The following SATB1 variants were observed in gnomAD, a reference collection of about 807,000 sequenced individuals.
SATB1 encodes DNA-binding protein SATB1.
A neutral mutation model predicts 86.9 loss-of-function variants in SATB1; 11 were observed. The ratio of observed to expected loss-of-function variants is 0.13; its 90% CI spans 0.08 to 0.21. The LOEUF (loss-of-function observed/expected upper bound fraction) is 0.21. SATB1 is among the 10% of genes least tolerant of loss of function. The probability of loss-of-function intolerance (pLI) is 1.00; values close to 1 mark genes in which losing one functional copy is unlikely to be tolerated. For missense variants in SATB1, 551 were observed against 937.6 expected, an observed-to-expected ratio of 0.59 and a Z score of 5.39; for synonymous variants, 357 against 357.2, an observed-to-expected ratio of 1.00 and a Z score of 0.01.
intron 2 of SATB1, among the ~76,000 whole-genome samples, chr3:18,417,925 G>A (rs6780734): frequency 0.012 from 1,774 of 152,198 alleles, 41 homozygotes; most frequent in African/African-American, 0.04. Context: ...CAGTAACTCA[G>A]TAGCTAGATG....
At position 18,347,783 on chromosome 3, in the gene SATB1, C is replaced by A. The variant is rs1694132995; in HGVS notation, c.*1387G>T. The A allele has an allele frequency of 6.6e-6, 1 of 152,248 alleles. No individual in the cohort carries two copies. Among genetic ancestry groups the A allele is most frequent in the Non-Finnish European group, 1.5e-5 (1 of 68,002 alleles). The allele number at this position is 152,248 out of a possible 1,614,324, so 9.4% of individuals were successfully genotyped here. Reference sequence around the variant, plus strand: ...AATTTCATACCTATTTAAAAATGAGCATGTGTTTGTGATTTAAATTTACAG... The same window carrying A: ...AATTTCATACCTATTTAAAAATGAGAATGTGTTTGTGATTTAAATTTACAG... On this transcript the variant is annotated 3_prime_UTR_variant, in exon 11 of 11. Coordinates refer to ENST00000338745, the MANE Select transcript of SATB1 (RefSeq NM_002971.6).
intron 5 of SATB1, among the ~76,000 whole-genome samples, chr3:18,406,014 G>A (rs1044918669): frequency 2.0e-5 from 3 of 151,936 alleles, no homozygotes; most frequent in Non-Finnish European, 4.4e-5. Context: ...AAGTTATGGC[G>A]AAATGATAAA....
At position 18,420,901 on chromosome 3, in the gene SATB1, G is replaced by C. The variant is rs1393682303; in HGVS notation, c.67C>G (p.Pro23Ala). The change falls in exon 2 of 11, where the codon CCG (proline) becomes GCG (alanine). Residue 23 changes from proline (P) to alanine (A), a missense_variant. By Grantham distance (27) the Pro-to-Ala change is conservative. Coordinates refer to ENST00000338745, the MANE Select transcript of SATB1 (RefSeq NM_002971.6). ...GCAATCTTGGCTGGTGGACCCTTCG[G>C]ATCACTCACATTGTTAGACATTTCT... ...HSEMSNNVSD[P>A]KGPPAKIARL... The C allele has an allele frequency of 9.9e-6, 16 of 1,614,034 alleles. No individual in the cohort carries two copies. In the South Asian group the frequency reaches 1.5e-4, roughly 16 times the overall value.
At chr3:18,380,189 A>G (rs1341747399) in intron 8 of SATB1, among the ~76,000 whole-genome samples, 1 of 152,202 alleles carries the variant, frequency 6.6e-6, no homozygotes, top group Non-Finnish European at 1.5e-5. Context: ...AAGCCATTTC[A>G]ATCATTTTGA....
intron 2 of SATB1, among the ~76,000 whole-genome samples, chr3:18,418,170 A>G (rs756909518): frequency 1.4e-4 from 21 of 152,274 alleles, no homozygotes; most frequent in Middle Eastern, 6.8e-3. Flanking sequence ...AGGATCCACA[A>G]TTAGTCCTAC....
intron 9 of SATB1, among the ~76,000 whole-genome samples, chr3:18,362,853 C>T (rs1334462362): frequency 2.3e-5 from 1 of 43,542 alleles, no homozygotes. Context: ...TTCATATATG[C>T]CATGTGCAAA....
intron 9 of SATB1, among the ~76,000 whole-genome samples, chr3:18,363,149 T>G (rs1000127274): frequency 3.9e-5 from 6 of 152,002 alleles, no homozygotes; most frequent in African/African-American, 1.5e-4. Context: ...TTAGGAGAGA[T>G]AACAAAAAAT....
chr3:18,394,675 A>G lies in SATB1; in HGVS notation c.993T>C (p.Tyr331=). The G allele has an allele frequency of 6.2e-7, 1 of 1,614,182 alleles. No individual in the cohort carries two copies. The highest frequency in any genetic ancestry group is 8.5e-7 in the Non-Finnish European group (1 of 1,180,046). ...LVMAQLLNQQ[Y]AVNRLLAQQS... is the part of the protein sequence containing the mutation. ...GCTGGGCTAAAAGTCTATTCACTGCATACTGCTGGTTCAGCAGCTGAGCCA... is the reference window on the plus strand; with the variant it reads ...GCTGGGCTAAAAGTCTATTCACTGCGTACTGCTGGTTCAGCAGCTGAGCCA... Residue 331 remains tyrosine (Y), a synonymous_variant, in exon 7 of 11, where the codon TAT becomes TAC. Transcript: ENST00000338745. The surrounding 1 kb of genome is among the most constrained non-coding windows in gnomAD (Gnocchi z 5.9).
At chr3:18,422,200 G>A (rs1182328703) in intron 1 of SATB1, among the ~76,000 whole-genome samples, 1 of 152,142 alleles carries the variant, frequency 6.6e-6, no homozygotes, top group Non-Finnish European at 1.5e-5. Context: ...TAGCTGTCTA[G>A]TAATTTGATA....
intron 5 of SATB1, among the ~76,000 whole-genome samples, chr3:18,403,192 A>G (rs898669416): frequency 2.0e-5 from 3 of 152,174 alleles, no homozygotes; most frequent in African/African-American, 7.2e-5. Flanking sequence ...ACAGATGTCA[A>G]AAACTGTTTA....
Position 18,420,972 on chromosome 3 carries a change from A to G in SATB1, c.-5T>C. 6.2e-7 allele frequency: 1 copy of G among 1,613,868 alleles called. No individual in the cohort carries two copies. Among genetic ancestry groups the G allele is most frequent in the South Asian group, 1.1e-5 (1 of 91,076 alleles). On this transcript the variant is annotated 5_prime_UTR_variant, in exon 2 of 11. Transcript: ENST00000338745. Reference sequence around the variant, plus strand: ...TGCCTCGTTCAAATGATCCATACTCAGTCACTGTCTAAAGATCACCTGCCA... The same window carrying G: ...TGCCTCGTTCAAATGATCCATACTCGGTCACTGTCTAAAGATCACCTGCCA...
upstream of SATB1, chr3:18,438,918 G>T (rs964225178): frequency 1.4e-4 from 22 of 152,232 alleles, no homozygotes; most frequent in African/African-American, 5.3e-4. Context: ...TGCTTCTTCC[G>T]CAAGCATTTC....
In SATB1 at chr3:18,386,061, T is replaced by C. The variant is rs953113216; in HGVS notation, c.1419+338A>G. On this transcript the variant is annotated intron_variant, in intron 8 of 10. Coordinates refer to ENST00000338745, the MANE Select transcript of SATB1 (RefSeq NM_002971.6). The surrounding 1 kb of genome is among the most constrained non-coding windows in gnomAD (Gnocchi z 4.5). Reference sequence around the variant, plus strand: ...ATTCAAATGGCGATTCTGAAACCAGTTGGGAAAAAACTGACTTTATTCTTT... The same window carrying C: ...ATTCAAATGGCGATTCTGAAACCAGCTGGGAAAAAACTGACTTTATTCTTT... Among the ~76,000 whole-genome samples the C allele has an allele frequency of 2.0e-5, 3 of 152,162 alleles. No homozygotes were observed. The highest frequency in any genetic ancestry group is 2.9e-5 in the Non-Finnish European group (2 of 68,020).
intron 9 of SATB1, among the ~76,000 whole-genome samples, chr3:18,362,467 T>C (rs1170607051): frequency 6.6e-6 from 1 of 151,886 alleles, no homozygotes; most frequent in Non-Finnish European, 1.5e-5. Context: ...AGTGGTAAAA[T>C]ACTGTATACA....
chr3:18,397,045 C>T lies in SATB1; in HGVS notation c.751+134G>A, dbSNP rs540114284. 146 of 625,024 alleles carry T rather than the reference C, an allele frequency of 2.3e-4. No homozygotes were observed. Among genetic ancestry groups the T allele is most frequent in the Non-Finnish European group, 1.6e-4 (55 of 343,844 alleles). The allele number at this position is 625,024 out of a possible 1,614,324, so 38.7% of individuals were successfully genotyped here. A position where few individuals can be genotyped will look rare whatever the true frequency, so the allele number is the denominator to read the frequency against. ...ATCTCATTATACTCATACCCACTTCCCACCCCCAAAGAAACATTCTAAATT... is the reference window on the plus strand; with the variant it reads ...ATCTCATTATACTCATACCCACTTCTCACCCCCAAAGAAACATTCTAAATT... On this transcript the variant is annotated intron_variant, in intron 6 of 10. Transcript: ENST00000338745.
intron 7 of SATB1, among the ~76,000 whole-genome samples, chr3:18,391,322 G>T (rs1376181218): frequency 2.6e-5 from 4 of 152,024 alleles, no homozygotes; most frequent in African/African-American, 4.8e-5. Flanking sequence ...ATAAGAAACA[G>T]TATCTTCATC....
intron 9 of SATB1, among the ~76,000 whole-genome samples, chr3:18,371,002 C>G (rs746017332): frequency 1.3e-5 from 2 of 152,188 alleles, no homozygotes; most frequent in Non-Finnish European, 2.9e-5. Flanking sequence ...GTCTGTGCAT[C>G]AACAAACTGG....
At chr3:18,439,144 A>G (rs541447109), upstream of SATB1, among the ~76,000 whole-genome samples, 2 of 152,232 alleles carry the variant, frequency 1.3e-5, no homozygotes, top group Non-Finnish European at 2.9e-5. Context: ...AAATTTCAGC[A>G]GAAACCAGGG....
intron 9 of SATB1, among the ~76,000 whole-genome samples, chr3:18,364,616 G>C (rs1695087390): frequency 1.3e-5 from 2 of 151,824 alleles, no homozygotes; most frequent in Admixed American, 6.6e-5. Flanking sequence ...TGGGGGAGAA[G>C]GTGGGCCAAG....
Sources: allele counts gnomAD v4.1 joint callset (sites outside exome capture counted in the v4.1 genomes callset), GRCh38; gene constraint gnomAD v4.1.1; non-coding constraint Gnocchi (gnomAD v3.1); transcripts MANE v1.5; gene names NCBI Gene and HGNC (gene_info 2026-07-23, HGNC 2026-07-21).